Variants in CCDC38 observed in about 807,000 individuals in gnomAD.
CCDC38 encodes the protein coiled-coil domain-containing protein 38.
A neutral mutation model predicts 72.8 loss-of-function variants in CCDC38; 69 were observed. The ratio of observed to expected loss-of-function variants is 0.95; its 90% CI spans 0.78 to 1.16. The LOEUF (loss-of-function observed/expected upper bound fraction) is 1.16, where lower values mean the gene tolerates loss of function less well. CCDC38 is among the 50% of genes most tolerant of loss of function. The pLI, the probability that CCDC38 is intolerant of heterozygous loss-of-function variation, is 0.00. For synonymous variants in CCDC38, 201 were observed against 213.2 expected (o/e 0.94, Z 0.50); for missense variants, 626 against 638.9 (o/e 0.98, Z 0.22).
chr12:95,908,477 G>C (rs1168852322), intron 4 of CCDC38, among the ~76,000 whole-genome samples: 2 of 10 alleles, frequency 0.2, no homozygotes, highest in African/African-American at 0.25. Context: ...GAGAGGGAGA[G>C]GGAGAGGGAG....
At chr12:95,914,801 T>G (rs1332626142) in intron 4 of CCDC38, among the ~76,000 whole-genome samples, 1 of 152,148 alleles carries the variant, frequency 6.6e-6, no homozygotes, top group Non-Finnish European at 1.5e-5. Context: ...CACACACTTT[T>G]TTTTTTCCCA....
At chr12:95,921,053 G>A (rs2080201317) in intron 2 of CCDC38, among the ~76,000 whole-genome samples, 2 of 151,836 alleles carry the variant, frequency 1.3e-5, no homozygotes, top group Non-Finnish European at 2.9e-5. Context: ...ACTTGAACAT[G>A]GGAGGCAGAA....
chr12:95,931,303 G>C (rs1044448383), intron 2 of CCDC38, among the ~76,000 whole-genome samples: 1 of 152,030 alleles, frequency 6.6e-6, no homozygotes, highest in Non-Finnish European at 1.5e-5. Context: ...TCACCTTCTC[G>C]GTCTTTGAAT....
intron 2 of CCDC38, among the ~76,000 whole-genome samples, chr12:95,923,546 T>A (rs1026836620): frequency 1.7e-4 from 26 of 151,784 alleles, no homozygotes; most frequent in Admixed American, 5.9e-4. Flanking sequence ...TTTTTTTTAA[T>A]TTATTATTAT....
intron 4 of CCDC38, among the ~76,000 whole-genome samples, chr12:95,908,138 C>T (rs561013043): frequency 1.3e-5 from 2 of 151,718 alleles, no homozygotes; most frequent in African/African-American, 2.4e-5. Context: ...TGTAGGGAGC[C>T]GAGATCACGC....
rs2080173719 is a variant in CCDC38, at chr12:95,918,877, GT to G, written c.136del (p.Thr46ArgfsTer5). On this transcript the variant is annotated frameshift_variant and splice_region_variant, in exon 3 of 16. Coordinates refer to ENST00000344280, the MANE Select transcript of CCDC38 (RefSeq NM_182496.3). LOFTEE classifies it high-confidence loss of function. Reference sequence around the variant, plus strand: ...GTTGTGATTTTAATTAAACTTTACCGTTTCCTTTGCTGCCATTTCATTTTCT... The same window carrying G: ...GTTGTGATTTTAATTAAACTTTACCGTTCCTTTGCTGCCATTTCATTTTCT... The part of the protein sequence containing the change: ...VKENEMAAKE[T>X]EKFMNRNMKV... 1.9e-6 allele frequency: 3 copies of G among 1,582,738 alleles called. No homozygotes were observed. Among genetic ancestry groups the G allele is most frequent in the Non-Finnish European group, 2.6e-6 (3 of 1,151,564 alleles).
intron 2 of CCDC38, among the ~76,000 whole-genome samples, chr12:95,928,309 CCT>C (rs1222861660): frequency 6.6e-6 from 1 of 152,096 alleles, no homozygotes; most frequent in Non-Finnish European, 1.5e-5. Context: ...TCGCTGATAC[CCT>C]TTCTTCCAGT....
chr12:95,909,195 C>T (rs1330136417), intron 4 of CCDC38, among the ~76,000 whole-genome samples: 1 of 152,032 alleles, frequency 6.6e-6, no homozygotes, highest in Non-Finnish European at 1.5e-5. Flanking sequence ...CAAATAAGCA[C>T]ACTCAGAAAT....
intron 12 of CCDC38, 108 bp from the exon 13 acceptor site, chr12:95,878,454 A>G (rs2079661336): frequency 9.3e-7 from 1 of 1,072,406 alleles, no homozygotes; most frequent in Non-Finnish European, 1.4e-6. Context: ...CCATGTAGTG[A>G]GCCAAATACA....
intron 15 of CCDC38, among the ~76,000 whole-genome samples, chr12:95,868,777 T>C (rs1332505901): frequency 6.6e-6 from 1 of 152,260 alleles, no homozygotes; most frequent in East Asian, 1.9e-4. Flanking sequence ...GGACCACATG[T>C]ACCTGACTAC....
Position 95,918,931 on chromosome 12 carries a change from A to T in CCDC38, c.83T>A (p.Ile28Asn), listed in dbSNP as rs746972610. The T allele has an allele frequency of 3.7e-6, 6 of 1,612,668 alleles. No individual in the cohort carries two copies. In the African/African-American group the frequency reaches 6.7e-5, roughly 18 times the overall value. The change falls in exon 3 of 16, where the codon ATC becomes AAC. Residue 28 changes from isoleucine (I) to asparagine (N), a missense_variant. Coordinates refer to ENST00000344280, the MANE Select transcript of CCDC38 (RefSeq NM_182496.3). ...GSTKEDRPYK[I>N]FFRDLFLVKE... ...GACAAGAAAGAGATCTCTGAAAAAG[A>T]TCTTATAAGGCCTGTCCTCTTTGGT... is the stretch of plus-strand genomic sequence containing the variant.
intron 1 of CCDC38, 29 bp from the exon 2 acceptor site, chr12:95,936,552 TA>T (rs2080396645): frequency 1.3e-6 from 2 of 1,591,620 alleles, no homozygotes; most frequent in Non-Finnish European, 1.7e-6. Context: ...ATACGTTTTT[TA>T]AAAATTCTAT....
intron 10 of CCDC38, among the ~76,000 whole-genome samples, chr12:95,887,445 G>A (rs779145750): frequency 8.5e-5 from 13 of 152,178 alleles, no homozygotes; most frequent in Admixed American, 7.9e-4. Context: ...ACTACTGATA[G>A]ACCAAACAAC....
rs989204194 is a variant in CCDC38, at chr12:95,927,843, C to A, written c.37+8630G>T. ...GAAATTCTGGGTTGAAAATTCTTTTCTTTAAGAATGTTGAATATTGGCCCC... is the reference window on the plus strand; with the variant it reads ...GAAATTCTGGGTTGAAAATTCTTTTATTTAAGAATGTTGAATATTGGCCCC... On this transcript the variant is annotated intron_variant, in intron 2 of 15. Coordinates refer to ENST00000344280, the MANE Select transcript of CCDC38 (RefSeq NM_182496.3). 2.0e-5 allele frequency among the ~76,000 whole-genome samples: 3 copies of A among 149,048 alleles called. No homozygotes were observed. In the Admixed American group the frequency reaches 2.0e-4, roughly 10 times the overall value.
Position 95,891,330 on chromosome 12 carries a change from G to A in CCDC38, c.773-400C>T, listed in dbSNP as rs116551612. On this transcript the variant is annotated intron_variant, in intron 8 of 15. Coordinates refer to ENST00000344280, the MANE Select transcript of CCDC38 (RefSeq NM_182496.3). The stretch of plus-strand genomic sequence containing the variant: ...ACATTCTCTATTTGGATCATGAACC[G>A]AGATGAAATTTTTTATTTTATTTTA... 6.2e-3 allele frequency among the ~76,000 whole-genome samples: 948 copies of A among 152,104 alleles called. 13 individuals are homozygous for A. Among genetic ancestry groups the A allele is most frequent in the African/African-American group, 0.022 (906 of 41,496 alleles).
intron 2 of CCDC38, among the ~76,000 whole-genome samples, chr12:95,931,933 C>T (rs976170503): frequency 6.6e-6 from 1 of 152,066 alleles, no homozygotes; most frequent in Non-Finnish European, 1.5e-5. Flanking sequence ...GCTGTGGCAA[C>T]AGCCAATGCA....
intron 4 of CCDC38, among the ~76,000 whole-genome samples, chr12:95,908,797 C>G (rs999160422): frequency 6.6e-6 from 1 of 151,798 alleles, no homozygotes; most frequent in African/African-American, 2.4e-5. Context: ...TACCAAAGCT[C>G]TTAGGCAAAA....
intron 5 of CCDC38, among the ~76,000 whole-genome samples, chr12:95,899,736 T>C (rs2079931107): frequency 1.3e-5 from 2 of 152,234 alleles, no homozygotes; most frequent in Admixed American, 6.5e-5. Flanking sequence ...TCCAAGTTTA[T>C]AGCAAAAAAT....
intron 1 of CCDC38, among the ~76,000 whole-genome samples, chr12:95,939,260 AAC>A (rs1454748422): frequency 6.6e-6 from 1 of 152,182 alleles, no homozygotes; most frequent in Non-Finnish European, 1.5e-5. Context: ...GTGGGCCTTA[AAC>A]ACAGTGAACA....
Sources: gnomAD v4.1 joint callset for allele counts (sites outside exome capture counted in the v4.1 genomes callset) on GRCh38, gnomAD v4.1.1 for gene constraint, MANE v1.5 for transcripts, NCBI Gene and HGNC (gene_info 2026-07-23, HGNC 2026-07-21) for gene names.